UBXN11: variants seen among roughly 807,000 people sequenced by gnomAD.
The protein encoded by UBXN11 is UBX domain protein 11.
UBXN11 carries 47 observed loss-of-function variants against 62.8 expected under a neutral mutation model. The ratio of observed to expected loss-of-function variants is 0.75; its 90% CI spans 0.59 to 0.95. UBXN11 has a LOEUF of 0.95. UBXN11 is among the 40% of genes least tolerant of loss of function. UBXN11 has a pLI of 0.00. For synonymous variants in UBXN11, 294 were observed against 267.0 expected (o/e 1.10, Z -0.99); for missense variants, 638 against 661.7 (o/e 0.96, Z 0.39).
intron 1 of UBXN11, among the ~76,000 whole-genome samples, chr1:26,303,568 A>G (rs2073590194): frequency 6.8e-6 from 1 of 147,070 alleles, no homozygotes; most frequent in Non-Finnish European, 1.5e-5. Context: ...GGAGGATGCA[A>G]TGAGATGAGA....
At chr1:26,292,009 C>G (rs183394848) in intron 8 of UBXN11, among the ~76,000 whole-genome samples, 1 of 152,210 alleles carries the variant, frequency 6.6e-6, no homozygotes, top group Admixed American at 6.5e-5. Context: ...ACCAAGGCCA[C>G]GGATTCTACT....
At chr1:26,317,225 A>T (rs1318901574) in intron 1 of UBXN11, among the ~76,000 whole-genome samples, 1 of 145,862 alleles carries the variant, frequency 6.9e-6, no homozygotes, top group African/African-American at 2.5e-5. Context: ...AACTCTGTTT[A>T]AAAAAAAAAA....
At chr1:26,315,719 G>A (rs2124683009) in intron 1 of UBXN11, among the ~76,000 whole-genome samples, 1 of 152,172 alleles carries the variant, frequency 6.6e-6, no homozygotes, top group South Asian at 2.1e-4. Context: ...GAGTGCAATG[G>A]CACGATCTCG....
At position 26,301,681 on chromosome 1, in the gene UBXN11, G is replaced by C; in HGVS notation, c.100+13C>G. 6.2e-7 allele frequency: 1 copy of C among 1,613,718 alleles called. No homozygotes were observed. Reference sequence around the variant, plus strand: ...TGAGAGGCGAAGAGGGCACGAGGGCGGGGCACACTTACCATCTCCATAGAT... The same window carrying C: ...TGAGAGGCGAAGAGGGCACGAGGGCCGGGCACACTTACCATCTCCATAGAT... On this transcript the variant is annotated intron_variant, in intron 3 of 14. Coordinates refer to ENST00000374222, the MANE Select transcript of UBXN11 (RefSeq NM_001389556.1).
chr1:26,293,078 C>T (rs1268394476), intron 8 of UBXN11, among the ~76,000 whole-genome samples: 2 of 152,170 alleles, frequency 1.3e-5, no homozygotes, highest in Non-Finnish European at 2.9e-5. Context: ...CTCCTATTCC[C>T]GTGGGACCCC....
At chr1:26,292,814 A>T (rs2073302601) in intron 8 of UBXN11, among the ~76,000 whole-genome samples, 1 of 151,994 alleles carries the variant, frequency 6.6e-6, no homozygotes, top group Non-Finnish European at 1.5e-5. Flanking sequence ...AGATTGTGCC[A>T]TTGCACTCTA....
chr1:26,297,042 T>C, intron 6 of UBXN11, 47 bp from the exon 7 acceptor site: 2 of 1,562,448 alleles, frequency 1.3e-6, no homozygotes, highest in South Asian at 1.2e-5. Flanking sequence ...AGCAAGACAC[T>C]GCCAGGTCAC....
chr1:26,290,816 G>A (rs192091716), intron 8 of UBXN11, among the ~76,000 whole-genome samples: 81 of 151,158 alleles, frequency 5.4e-4, no homozygotes, highest in Non-Finnish European at 9.6e-4. Flanking sequence ...GGGAAGTAGT[G>A]AGGAGTGAGG....
chr1:26,312,979 CAAAAAAAAA>C lies in UBXN11; in HGVS notation c.-149+5059_-149+5067del, dbSNP rs55777309. 1.7e-4 allele frequency among the ~76,000 whole-genome samples: 8 copies of C among 48,150 alleles called. No individual in the cohort carries two copies. The East Asian group carries it at 3.2e-3, about 19-fold the overall frequency. 31.6% of individuals were successfully genotyped at this position (48,150 alleles called of 152,430 possible). A position where few individuals can be genotyped will look rare whatever the true frequency, so the allele number is the denominator to read the frequency against. ...GGGCAACAAGAGCAAAACTCTGTCT[CAAAAAAAAA>C]AAAAAAAAAAAAAAAAGAGTGAATG... On this transcript the variant is annotated intron_variant, in intron 1 of 14. Coordinates refer to the UBXN11 transcript ENST00000374217.
chr1:26,285,429 T>A (rs2073105824), intron 10 of UBXN11, 35 bp downstream of exon 10: 1 of 1,602,060 alleles, frequency 6.2e-7, no homozygotes, highest in African/African-American at 1.3e-5. Flanking sequence ...CCCTTCAAAA[T>A]CCCCAAAGGT....
upstream of UBXN11, chr1:26,307,103 CTG>C (rs2073687359): frequency 6.6e-6 from 1 of 152,214 alleles, no homozygotes; most frequent in African/African-American, 2.4e-5. Context: ...TTTCCTAAAT[CTG>C]AGTTTCTGTG....
intron 10 of UBXN11, chr1:26,285,025 G>C: frequency 1.0e-6 from 1 of 1,004,464 alleles, no homozygotes; most frequent in Non-Finnish European, 1.2e-6. Context: ...CTCTGGTGGT[G>C]GCACCTACCC....
In UBXN11 at chr1:26,285,229, C is replaced by T. The variant is rs991198364; in HGVS notation, c.852+235G>A. 5.3e-6 allele frequency: 7 copies of T among 1,313,174 alleles called. No homozygotes were observed. The Admixed American group carries it at 1.4e-4, about 26-fold the overall frequency. 81.3% of individuals were successfully genotyped at this position (1,313,174 alleles called of 1,614,324 possible). ...TGGGGAGGACTAGAAGGCAGGGGCC[C>T]CGCAGCCGAGGCTGTCTCCAGGGTG... On this transcript the variant is annotated intron_variant, in intron 10 of 14. Coordinates refer to ENST00000374222, the MANE Select transcript of UBXN11 (RefSeq NM_001389556.1).
In UBXN11 at chr1:26,305,163, C is replaced by T. The variant is rs2073634592; in HGVS notation, c.-36+1429G>A. Among the ~76,000 whole-genome samples the T allele has an allele frequency of 2.6e-5, 4 of 152,014 alleles. No homozygotes were observed. The South Asian group carries it at 6.2e-4, about 24-fold the overall frequency. ...TCGCCCAGGCTGGAGAGCAATGGCGCAATCTCGGCTCACTGCAACCTCCGC... is the reference window on the plus strand; with the variant it reads ...TCGCCCAGGCTGGAGAGCAATGGCGTAATCTCGGCTCACTGCAACCTCCGC... On this transcript the variant is annotated intron_variant, in intron 1 of 14. Transcript: ENST00000374222.
chr1:26,295,935 C>T (rs912975747), intron 7 of UBXN11, among the ~76,000 whole-genome samples: 9 of 152,238 alleles, frequency 5.9e-5, no homozygotes, highest in African/African-American at 2.2e-4. Flanking sequence ...CATGCCCCTG[C>T]CCCGAGGCTC....
chr1:26,294,089 G>A (rs763830191), intron 8 of UBXN11, 116 bp downstream of exon 8: 131 of 1,486,372 alleles, frequency 8.8e-5, no homozygotes, highest in Non-Finnish European at 1.0e-4. Context: ...CTCTCAGGGC[G>A]TCTTGGGTCA....
chr1:26,290,448 C>T (rs2073234690), intron 8 of UBXN11, among the ~76,000 whole-genome samples: 1 of 152,176 alleles, frequency 6.6e-6, no homozygotes, highest in African/African-American at 2.4e-5. Flanking sequence ...CCACACAGGG[C>T]AGTCAGAGTT....
chr1:26,287,206 G>C (rs545044008), intron 8 of UBXN11, among the ~76,000 whole-genome samples: 4 of 152,292 alleles, frequency 2.6e-5, no homozygotes, highest in Admixed American at 6.5e-5. Flanking sequence ...TGTAGGGACA[G>C]CTGCTGGCCA....
At chr1:26,303,042 C>T (rs111584610) in intron 1 of UBXN11, 124 bp from the exon 2 acceptor site, 8 of 613,644 alleles carry the variant, frequency 1.3e-5, no homozygotes, top group Admixed American at 8.8e-5. Flanking sequence ...GGCAGCAGTA[C>T]CTTTTGCCTC....
Sources: allele counts gnomAD v4.1 joint callset (sites outside exome capture counted in the v4.1 genomes callset), GRCh38; gene constraint gnomAD v4.1.1; transcripts MANE v1.5; gene names NCBI Gene and HGNC (gene_info 2026-07-23, HGNC 2026-07-21).